SYN3: variants seen among roughly 807,000 people sequenced by gnomAD.
SYN3 encodes synapsin III.
Under a neutral mutation model 65.8 loss-of-function variants are expected in SYN3, and 35 were observed. The ratio of observed to expected loss-of-function variants is 0.53; its 90% CI spans 0.41 to 0.70. The LOEUF is 0.70. Ranked by LOEUF, SYN3 falls within the 30% of genes least tolerant of loss-of-function variation. The pLI, the probability that SYN3 is intolerant of heterozygous loss-of-function variation, is 0.00. For missense variants in SYN3, 680 were observed against 749.0 expected (o/e 0.91, Z 1.08); for synonymous variants, 270 against 292.9 (o/e 0.92, Z 0.80).
At chr22:32,558,775 C>T (rs918317690) in intron 7 of SYN3, among the ~76,000 whole-genome samples, 12 of 152,218 alleles carry the variant, frequency 7.9e-5, no homozygotes, top group Admixed American at 2.6e-4. Flanking sequence ...ATGACTCAAC[C>T]CAAGGGCCCC....
rs114589508 is a variant in SYN3 at position 33,022,553 on chromosome 22, C to T, written c.-162-15729G>A. 2.6e-3 allele frequency among the ~76,000 whole-genome samples: 402 copies of T among 152,328 alleles called. 3 individuals are homozygous for T. Among genetic ancestry groups the T allele is most frequent in the Middle Eastern group, 0.01 (3 of 294 alleles). On this transcript the variant is annotated intron_variant, in intron 1 of 13. Transcript: ENST00000358763. ...CAAATCCACCCACACAGGCCTTGAT[C>T]TCCTGTGGGTAGCATCATTGTTCTC...
rs945399161 is a variant in SYN3, at chr22:32,801,912, C to A, written c.711+63003G>T. On this transcript the variant is annotated intron_variant, in intron 6 of 13. Transcript: ENST00000358763. This position sits in a 1 kb window ranked among gnomAD's most constrained non-coding sequence, Gnocchi z 4.7. ...TGCCCCGCACGGCCCGGCGGGCGAG[C>A]GAGCTCGGGCTGCAGCAGCCCCGCC... 5.1e-5 allele frequency: 72 copies of A among 1,420,474 alleles called. No individual in the cohort carries two copies. Among genetic ancestry groups the A allele is most frequent in the Non-Finnish European group, 5.7e-5 (62 of 1,094,084 alleles). The allele number at this position is 1,420,474 out of a possible 1,614,324, so 88.0% of individuals were successfully genotyped here. A position where few individuals can be genotyped will look rare whatever the true frequency, so the allele number is the denominator to read the frequency against.
At chr22:32,750,825 G>A (rs2045097187) in intron 6 of SYN3, among the ~76,000 whole-genome samples, 1 of 152,064 alleles carries the variant, frequency 6.6e-6, no homozygotes, top group African/African-American at 2.4e-5. Context: ...CAAGGTTTGG[G>A]GTCTAAGGCA....
chr22:32,994,288 A>G (rs2145734282), intron 2 of SYN3, among the ~76,000 whole-genome samples: 1 of 152,086 alleles, frequency 6.6e-6, no homozygotes, highest in East Asian at 1.9e-4. Context: ...TCCCCCAGAC[A>G]CCAGGGCCAG....
chr22:32,618,313 A>C (rs2059548663), intron 6 of SYN3, among the ~76,000 whole-genome samples: 1 of 152,098 alleles, frequency 6.6e-6, no homozygotes, highest in Non-Finnish European at 1.5e-5. Context: ...CTTAGGAAAA[A>C]GCAATTTCCT....
At chr22:32,898,145 G>A (rs972414484) in intron 4 of SYN3, among the ~76,000 whole-genome samples, 8 of 152,260 alleles carry the variant, frequency 5.3e-5, no homozygotes, top group African/African-American at 9.6e-5. Flanking sequence ...ACAGGTGTGC[G>A]TCACCACATC....
chr22:32,942,274 C>A (rs2050964588), intron 3 of SYN3, among the ~76,000 whole-genome samples: 1 of 152,204 alleles, frequency 6.6e-6, no homozygotes, highest in Admixed American at 6.5e-5. Flanking sequence ...CAGGCAGCAA[C>A]CTTTGCTGTT....
At chr22:32,663,175 T>A (rs1306016883) in intron 6 of SYN3, among the ~76,000 whole-genome samples, 1 of 152,184 alleles carries the variant, frequency 6.6e-6, no homozygotes. Flanking sequence ...GGAAACCCCT[T>A]TCGCTTGGCT....
chr22:32,730,193 T>C (rs765864778), intron 6 of SYN3, among the ~76,000 whole-genome samples: 4 of 152,242 alleles, frequency 2.6e-5, no homozygotes, highest in Admixed American at 6.5e-5. Context: ...TAATGGTGGC[T>C]ACCATTTACT....
intron 3 of SYN3, among the ~76,000 whole-genome samples, chr22:32,958,392 G>A (rs1331262328): frequency 6.6e-6 from 1 of 152,180 alleles, no homozygotes; most frequent in Non-Finnish European, 1.5e-5. Context: ...CAAGGGTGGT[G>A]ATGACAATAA....
chr22:32,922,602 G>A (rs569240917), intron 4 of SYN3, among the ~76,000 whole-genome samples: 1 of 152,130 alleles, frequency 6.6e-6, no homozygotes, highest in African/African-American at 2.4e-5. Flanking sequence ...CTGCTTGGCT[G>A]TGTGTTCCTT....
intron 4 of SYN3, among the ~76,000 whole-genome samples, chr22:32,886,027 G>A (rs572767240): frequency 6.6e-6 from 1 of 152,176 alleles, no homozygotes; most frequent in Non-Finnish European, 1.5e-5. Context: ...ATGAAAGAAG[G>A]CGGGCAACCA....
chr22:33,011,916 T>C (rs540787275), intron 1 of SYN3, among the ~76,000 whole-genome samples: 47 of 152,298 alleles, frequency 3.1e-4, no homozygotes, highest in African/African-American at 1.0e-3. Flanking sequence ...CTGATATTGG[T>C]AATTTGCTTT....
chr22:32,924,058 G>A lies in SYN3; in HGVS notation c.461+7332C>T, dbSNP rs1403342814. On this transcript the variant is annotated intron_variant, in intron 4 of 13. Transcript: ENST00000358763. ...TGGCTGGATAGTATTCCATGTATAT[G>A]TACCACATTTTCTTTATCCAGTCTA... Among the ~76,000 whole-genome samples, 2 of 152,140 alleles carry A rather than the reference G, an allele frequency of 1.3e-5. 1 individual carries two copies. The highest frequency in any genetic ancestry group is 3.9e-4 in the East Asian group (2 of 5,194).
Position 32,682,543 on chromosome 22 carries a change from C to T in SYN3, c.712-85807G>A, listed in dbSNP as rs372693944. On this transcript the variant is annotated intron_variant, in intron 6 of 13. Transcript: ENST00000358763. ...GGCCCTGGAAGCCAGGGAGGAAGGG[C>T]AGTAGCATTTACGGAGCACCCAGAG... 5.7e-3 allele frequency among the ~76,000 whole-genome samples: 866 copies of T among 152,186 alleles called. 11 individuals carry two copies. The highest frequency in any genetic ancestry group is 0.02 in the African/African-American group (820 of 41,524).
chr22:32,990,314 ATCC>A (rs1299479998), intron 2 of SYN3, among the ~76,000 whole-genome samples: 4 of 151,104 alleles, frequency 2.6e-5, no homozygotes, highest in African/African-American at 7.3e-5. Flanking sequence ...CCATCCATCC[ATCC>A]ATCCATCCAT....
chr22:32,797,308 A>G (rs923186657), intron 6 of SYN3, among the ~76,000 whole-genome samples: 4 of 152,226 alleles, frequency 2.6e-5, no homozygotes, highest in African/African-American at 9.6e-5. Flanking sequence ...TGTTACCAAC[A>G]CTTAATCCCT....
chr22:32,960,067 C>A (rs1474365432), intron 3 of SYN3, among the ~76,000 whole-genome samples: 1 of 152,216 alleles, frequency 6.6e-6, no homozygotes, highest in Non-Finnish European at 1.5e-5. Context: ...TGTGCTGAGG[C>A]TTTGGAGTTA....
chr22:32,729,152 C>A (rs556229470), intron 6 of SYN3, among the ~76,000 whole-genome samples: 11 of 152,346 alleles, frequency 7.2e-5, no homozygotes, highest in African/African-American at 2.6e-4. Context: ...GTTCCCCCTA[C>A]CCACAACTAG....
Sources: gnomAD v4.1 joint callset for allele counts (sites outside exome capture counted in the v4.1 genomes callset) on GRCh38, gnomAD v4.1.1 for gene constraint, Gnocchi (gnomAD v3.1) non-coding constraint, MANE v1.5 for transcripts, NCBI Gene and HGNC (gene_info 2026-07-23, HGNC 2026-07-21) for gene names.